Variants in GPR39 observed in about 807,000 individuals in gnomAD.
The protein encoded by GPR39 is G protein-coupled receptor 39.
Under a neutral mutation model 18.4 loss-of-function variants are expected in GPR39, and 23 were observed. That is an observed-to-expected ratio of 1.25 (90% CI 0.90 to 1.77). GPR39 has a LOEUF of 1.77. Among genes scored for constraint, GPR39 ranks in the 40% most tolerant of loss-of-function variants. The pLI is 0.00. For missense variants in GPR39, 647 were observed against 602.4 expected (o/e 1.07, Z -0.78); for synonymous variants, 280 against 257.9 (o/e 1.09, Z -0.82).
At chr2:132,544,029 A>C (rs1213816603) in intron 1 of GPR39, among the ~76,000 whole-genome samples, 1 of 152,192 alleles carries the variant, frequency 6.6e-6, no homozygotes, top group Admixed American at 6.5e-5. Flanking sequence ...TTTAGAACAG[A>C]GAATGGCAGC....
intron 1 of GPR39, among the ~76,000 whole-genome samples, chr2:132,511,354 C>T (rs1200439059): frequency 6.6e-6 from 1 of 152,098 alleles, no homozygotes; most frequent in East Asian, 1.9e-4. Context: ...AAAAATCTGA[C>T]TACATATTAT....
chr2:132,633,157 C>T (rs1026102847), intron 1 of GPR39, among the ~76,000 whole-genome samples: 5 of 152,156 alleles, frequency 3.3e-5, no homozygotes, highest in African/African-American at 9.7e-5. Context: ...ATCCCTGCCC[C>T]TTGTCATTTC....
chr2:132,491,742 G>A (rs1449461270), intron 1 of GPR39, among the ~76,000 whole-genome samples: 5 of 152,026 alleles, frequency 3.3e-5, no homozygotes, highest in African/African-American at 1.2e-4. Context: ...GTGGTATTGT[G>A]TGAGCCCCAG....
At position 132,571,249 on chromosome 2, in the gene GPR39, A is replaced by G. The variant is rs955345352; in HGVS notation, c.857-73852A>G. ...TACATGGATGATTTGGATCTATCCT[A>G]AGACTGAGCATAAGAGGTATCTTTG... On this transcript the variant is annotated intron_variant, in intron 1 of 1. Coordinates refer to ENST00000329321, the MANE Select transcript of GPR39 (RefSeq NM_001508.3). Among the ~76,000 whole-genome samples the G allele has an allele frequency of 3.3e-5, 5 of 152,340 alleles. No individual in the cohort carries two copies. The South Asian group carries it at 1.0e-3, about 32-fold the overall frequency.
At chr2:132,571,101 C>T (rs933852155) in intron 1 of GPR39, among the ~76,000 whole-genome samples, 1 of 152,108 alleles carries the variant, frequency 6.6e-6, no homozygotes, top group African/African-American at 2.4e-5. Flanking sequence ...CTTTAAATTC[C>T]CACTTCCACC....
chr2:132,559,889 C>A (rs1680218743), intron 1 of GPR39, among the ~76,000 whole-genome samples: 1 of 152,000 alleles, frequency 6.6e-6, no homozygotes, highest in South Asian at 2.1e-4. Flanking sequence ...CATGCTGCTG[C>A]CTTTAGCCCA....
intron 1 of GPR39, among the ~76,000 whole-genome samples, chr2:132,614,820 C>T (rs971978024): frequency 6.6e-6 from 1 of 152,156 alleles, no homozygotes; most frequent in Non-Finnish European, 1.5e-5. Context: ...GGATTACAGG[C>T]ATGAGCCACC....
At chr2:132,501,039 T>G (rs1679019778) in intron 1 of GPR39, among the ~76,000 whole-genome samples, 1 of 144,590 alleles carries the variant, frequency 6.9e-6, no homozygotes, top group Non-Finnish European at 1.5e-5. Context: ...AGTTTTTGTT[T>G]CATTTATCTT....
Position 132,646,080 on chromosome 2 carries a change from A to G in GPR39, c.*474A>G, listed in dbSNP as rs757079418. On this transcript the variant is annotated 3_prime_UTR_variant, in exon 2 of 2. Transcript: ENST00000329321. ...GCCGAGAAGAGGGCTAATTTGAGGA[A>G]CAGGATGGTGGTGCGGAGCCCTGGC... The G allele has an allele frequency of 1.3e-5, 21 of 1,598,586 alleles. No individual in the cohort carries two copies. Among genetic ancestry groups the G allele is most frequent in the Non-Finnish European group, 1.4e-5 (16 of 1,171,370 alleles).
chr2:132,454,493 C>T (rs912628296), intron 1 of GPR39, among the ~76,000 whole-genome samples: 2 of 152,160 alleles, frequency 1.3e-5, no homozygotes, highest in African/African-American at 2.4e-5. Flanking sequence ...TGCCTGATTG[C>T]CCTGGCCAGA....
At chr2:132,506,064 T>C (rs1306650056) in intron 1 of GPR39, among the ~76,000 whole-genome samples, 1 of 152,190 alleles carries the variant, frequency 6.6e-6, no homozygotes, top group Non-Finnish European at 1.5e-5. Flanking sequence ...AACTCTGTTA[T>C]TTTTTGTCTT....
chr2:132,553,576 T>A lies in GPR39; in HGVS notation c.857-91525T>A, dbSNP rs1417419788. Among the ~76,000 whole-genome samples the A allele has an allele frequency of 2.0e-5, 3 of 151,850 alleles. No homozygotes were observed. The East Asian group carries it at 5.9e-4, about 30-fold the overall frequency. ...CGAGGGACACAACCACTGGATGAGATAGACAAGCATAGAGACCCTCACAGG... is the reference window on the plus strand; with the variant it reads ...CGAGGGACACAACCACTGGATGAGAAAGACAAGCATAGAGACCCTCACAGG... On this transcript the variant is annotated intron_variant, in intron 1 of 1. Transcript: ENST00000329321.
chr2:132,456,304 C>CTT (rs55848082), intron 1 of GPR39, among the ~76,000 whole-genome samples: 3 of 142,946 alleles, frequency 2.1e-5, no homozygotes, highest in African/African-American at 5.2e-5. Context: ...GCAACCCCTG[C>CTT]TTTTTTTTTT....
intron 1 of GPR39, among the ~76,000 whole-genome samples, chr2:132,495,813 T>C (rs4284884): frequency 0.36 from 54,071 of 151,430 alleles, 10,487 homozygotes; most frequent in East Asian, 0.79. Context: ...CCCCCTCTCT[T>C]CTCTTCCCCT....
intron 1 of GPR39, among the ~76,000 whole-genome samples, chr2:132,614,178 T>TTTC: frequency 1.0e-5 from 1 of 96,680 alleles, no homozygotes; most frequent in Admixed American, 1.1e-4. Flanking sequence ...ACTTGCTTGC[T>TTTC]TTTTTTTTTG....
At chr2:132,610,602 C>A (rs2104849433) in intron 1 of GPR39, among the ~76,000 whole-genome samples, 1 of 151,862 alleles carries the variant, frequency 6.6e-6, no homozygotes, top group South Asian at 2.1e-4. Context: ...CGCGGTGAAA[C>A]CCTGTTTCTA....
At chr2:132,545,620 T>G (rs1489295857) in intron 1 of GPR39, among the ~76,000 whole-genome samples, 1 of 151,580 alleles carries the variant, frequency 6.6e-6, no homozygotes, top group Non-Finnish European at 1.5e-5. Context: ...TCAGATTGTC[T>G]TAAAACCATC....
At chr2:132,588,145 G>C (rs1447106989) in intron 1 of GPR39, among the ~76,000 whole-genome samples, 2 of 152,172 alleles carry the variant, frequency 1.3e-5, no homozygotes, top group African/African-American at 4.8e-5. Flanking sequence ...GATTGTGATG[G>C]AGAAGGTCCT....
chr2:132,488,923 G>A, intron 1 of GPR39: 1 of 151,920 alleles, frequency 6.6e-6, no homozygotes, highest in Admixed American at 6.6e-5. Flanking sequence ...GTAGTGAGGT[G>A]TGCACCCTGT....
Sources: gnomAD v4.1 joint callset for allele counts (sites outside exome capture counted in the v4.1 genomes callset) on GRCh38, gnomAD v4.1.1 for gene constraint, MANE v1.5 for transcripts, NCBI Gene and HGNC (gene_info 2026-07-23, HGNC 2026-07-21) for gene names.